The following KHDC1 variants were observed in gnomAD, a reference collection of about 807,000 sequenced individuals.
The protein encoded by KHDC1 is KH homology domain-containing protein 1.
Under a neutral mutation model 24.7 loss-of-function variants are expected in KHDC1, and 21 were observed. The observed-to-expected ratio is 0.85, with a 90% CI of 0.60 to 1.23. KHDC1 has a LOEUF of 1.23. Ranked by LOEUF, KHDC1 falls within the 50% of genes most tolerant of loss-of-function variation. KHDC1 has a pLI of 0.00. For missense variants in KHDC1, 274 were observed against 298.5 expected (o/e 0.92, Z 0.61); for synonymous variants, 98 against 111.7 (o/e 0.88, Z 0.77).
At chr6:73,253,196 G>A (rs1766812546) in intron 2 of KHDC1, among the ~76,000 whole-genome samples, 1 of 152,066 alleles carries the variant, frequency 6.6e-6, no homozygotes, top group South Asian at 2.1e-4. Flanking sequence ...TTTAATAAAG[G>A]GGACAATTCA....
Position 73,292,130 on chromosome 6 carries a change from G to A in KHDC1, c.164-90C>T, listed in dbSNP as rs1767664849. ...CAACATGGTAGACTTTGCTATGGAT[G>A]CATACAAAAACCTTTATTCTGATGA... On this transcript the variant is annotated intron_variant, in intron 1 of 4. Transcript: ENST00000370384. The A allele has an allele frequency of 7.0e-6, 11 of 1,580,406 alleles. No individual in the cohort carries two copies. The South Asian group carries it at 1.0e-4, about 14-fold the overall frequency.
At chr6:73,303,741 T>C (rs1767915623) in intron 1 of KHDC1, among the ~76,000 whole-genome samples, 1 of 152,092 alleles carries the variant, frequency 6.6e-6, no homozygotes, top group South Asian at 2.1e-4. Flanking sequence ...AAAGACAGGA[T>C]AGACTAAGAA....
At chr6:73,278,512 C>G (rs1582573019) in intron 2 of KHDC1, among the ~76,000 whole-genome samples, 1 of 152,354 alleles carries the variant, frequency 6.6e-6, no homozygotes, top group East Asian at 1.9e-4. Context: ...GCATGAGCCA[C>G]TGTAGTCTAG....
At chr6:73,257,819 A>G (rs1766908061) in intron 2 of KHDC1, among the ~76,000 whole-genome samples, 1 of 152,164 alleles carries the variant, frequency 6.6e-6, no homozygotes, top group Admixed American at 6.5e-5. Context: ...TATATATGAA[A>G]TATCTAGGCC....
At chr6:73,272,333 A>G (rs531381435) in intron 2 of KHDC1, among the ~76,000 whole-genome samples, 14 of 151,520 alleles carry the variant, frequency 9.2e-5, no homozygotes, top group African/African-American at 3.1e-4. Flanking sequence ...GGGTTTCACC[A>G]TGTTGTCTAA....
intron 2 of KHDC1, among the ~76,000 whole-genome samples, chr6:73,281,085 T>C (rs1767396230): frequency 6.6e-6 from 1 of 152,084 alleles, no homozygotes; most frequent in Non-Finnish European, 1.5e-5. Context: ...GGTGCCTGTC[T>C]GTAATCCCAG....
intron 2 of KHDC1, among the ~76,000 whole-genome samples, chr6:73,261,741 G>A (rs1466988189): frequency 1.1e-4 from 16 of 151,820 alleles, no homozygotes; most frequent in Admixed American, 9.2e-4. Flanking sequence ...GTGAAACCCC[G>A]TCTCTGCTAA....
intron 2 of KHDC1, 55 bp from the exon 1 acceptor site, chr6:73,263,251 C>G (rs1006473094): frequency 1.0e-6 from 1 of 986,122 alleles, no homozygotes; most frequent in African/African-American, 1.7e-5. Context: ...ACCCAGAGCC[C>G]TCCTCCCGCC....
At chr6:73,305,145 C>T (rs766341565) in intron 1 of KHDC1, among the ~76,000 whole-genome samples, 9 of 151,680 alleles carry the variant, frequency 5.9e-5, no homozygotes, top group East Asian at 1.9e-4. Context: ...GGCTGAGGCA[C>T]GAAAATTGCT....
At chr6:73,255,673 G>A (rs1399402208) in intron 2 of KHDC1, among the ~76,000 whole-genome samples, 2 of 150,442 alleles carry the variant, frequency 1.3e-5, no homozygotes, top group African/African-American at 4.9e-5. Flanking sequence ...AGGCCGAGGT[G>A]GGCAGATCAC....
chr6:73,261,527 T>G (rs1186324544), intron 2 of KHDC1, among the ~76,000 whole-genome samples: 1 of 151,868 alleles, frequency 6.6e-6, no homozygotes, highest in Non-Finnish European at 1.5e-5. Context: ...CCCAACACTT[T>G]GGGAGGTCGA....
intron 2 of KHDC1, among the ~76,000 whole-genome samples, chr6:73,247,549 A>T (rs985281609): frequency 2.0e-5 from 3 of 152,044 alleles, no homozygotes; most frequent in Non-Finnish European, 2.9e-5. Context: ...CCCCACAGAC[A>T]TCCATTTGAA....
At chr6:73,298,604 T>C (rs906726108) in intron 1 of KHDC1, among the ~76,000 whole-genome samples, 30 of 149,180 alleles carry the variant, frequency 2.0e-4, no homozygotes, top group African/African-American at 7.2e-4. Context: ...CTCGGCTAAT[T>C]TTTGTATTTT....
intron 2 of KHDC1, among the ~76,000 whole-genome samples, chr6:73,265,902 C>T (rs1012836640): frequency 1.3e-5 from 2 of 152,114 alleles, no homozygotes; most frequent in African/African-American, 4.8e-5. Flanking sequence ...GCCTGGGCAA[C>T]ATGGCGAGAT....
At chr6:73,268,678 T>A (rs1382212261) in intron 2 of KHDC1, 1 of 152,342 alleles carries the variant, frequency 6.6e-6, no homozygotes, top group Non-Finnish European at 1.5e-5. Flanking sequence ...AGCAGCTAGA[T>A]ACAGAGTGTT....
chr6:73,260,613 A>C (rs1331600933), intron 2 of KHDC1, among the ~76,000 whole-genome samples: 1 of 152,226 alleles, frequency 6.6e-6, no homozygotes, highest in Admixed American at 6.5e-5. Context: ...ATATTACTTC[A>C]AAGATTAATT....
intron 2 of KHDC1, among the ~76,000 whole-genome samples, chr6:73,255,904 C>CAAA (rs1205326198): frequency 3.9e-4 from 19 of 49,342 alleles, no homozygotes; most frequent in East Asian, 7.3e-4. Flanking sequence ...CCTGTCTCAA[C>CAAA]AAAAAAAAAA....
chr6:73,249,729 G>T (rs1165436777), intron 2 of KHDC1, among the ~76,000 whole-genome samples: 1 of 152,014 alleles, frequency 6.6e-6, no homozygotes, highest in African/African-American at 2.4e-5. Context: ...ATGGTAGAGG[G>T]GTTTTTATTT....
At chr6:73,258,750 G>C (rs909338913) in intron 2 of KHDC1, among the ~76,000 whole-genome samples, 16 of 152,336 alleles carry the variant, frequency 1.1e-4, no homozygotes, top group South Asian at 4.1e-4. Flanking sequence ...CTCAGCATCA[G>C]TTTCCCTACC....
Sources: gnomAD v4.1 joint callset for allele counts (sites outside exome capture counted in the v4.1 genomes callset) on GRCh38, gnomAD v4.1.1 for gene constraint, MANE v1.5 for transcripts, NCBI Gene and HGNC (gene_info 2026-07-23, HGNC 2026-07-21) for gene names.